GAD2: variants seen among roughly 807,000 people sequenced by gnomAD.
GAD2 encodes the protein 65 kDa glutamic acid decarboxylase.
In GAD2, 22 loss-of-function variants were observed where a neutral mutation model predicts 80.1. That is an observed-to-expected ratio of 0.27 (90% CI 0.20 to 0.39). The LOEUF (loss-of-function observed/expected upper bound fraction) is 0.39, where lower values mean the gene tolerates loss of function less well. Ranked by LOEUF, GAD2 falls within the 10% of genes least tolerant of loss-of-function variation. GAD2 has a pLI of 1.00. For synonymous variants in GAD2, 274 were observed against 256.9 expected (o/e 1.07, Z -0.64); for missense variants, 624 against 738.4 (o/e 0.85, Z 1.80).
At chr10:26,269,565 C>T (rs1211614577) in intron 9 of GAD2, among the ~76,000 whole-genome samples, 1 of 152,208 alleles carries the variant, frequency 6.6e-6, no homozygotes, top group Non-Finnish European at 1.5e-5. Context: ...CGTGTAGGTG[C>T]ATGCTGTTAG....
chr10:26,246,342 G>C (rs982733497), intron 8 of GAD2, among the ~76,000 whole-genome samples: 3 of 152,156 alleles, frequency 2.0e-5, no homozygotes, highest in Non-Finnish European at 4.4e-5. Flanking sequence ...ATCACTTTGG[G>C]CACCATAGAT....
chr10:26,216,908 G>A lies in GAD2; in HGVS notation c.76+23G>A. The stretch of plus-strand genomic sequence containing the variant: ...CAGGTAGGAAGGAGAACGGGGGCCT[G>A]CGGCGGGCGAGTTTTGCGGTGGTCT... On this transcript the variant is annotated intron_variant, in intron 1 of 15. Transcript: ENST00000376261. The surrounding 1 kb of genome is among the most constrained non-coding windows in gnomAD (Gnocchi z 4.7). 1.3e-6 allele frequency: 2 copies of A among 1,597,658 alleles called. No individual in the cohort carries two copies. Among genetic ancestry groups the A allele is most frequent in the Non-Finnish European group, 1.7e-6 (2 of 1,169,808 alleles).
intron 8 of GAD2, 35 bp from the exon 9 acceptor site, chr10:26,269,084 A>G: frequency 1.3e-6 from 2 of 1,541,732 alleles, no homozygotes; most frequent in East Asian, 2.3e-5. Flanking sequence ...GAAGCAAATT[A>G]TTCAAAGCAA....
rs756985033 is a variant in GAD2, at chr10:26,217,879, C to G, written c.174C>G (p.Ser58Arg). The G allele has an allele frequency of 6.2e-7, 1 of 1,604,060 alleles. No homozygotes were observed. The highest frequency in any genetic ancestry group is 8.5e-7 in the Non-Finnish European group (1 of 1,175,464). The change falls in exon 3 of 16, where the codon AGC becomes AGG. Residue 58 changes from serine (S) to arginine (R), a missense_variant. By Grantham distance (110) the Ser-to-Arg change is moderately radical. Transcript: ENST00000376261. This position sits in a 1 kb window ranked among gnomAD's most constrained non-coding sequence, Gnocchi z 4.9. ...GAGACGCCGAGAAGCCGGCGGAGAG[C>G]GGCGGGAGCCAACCCCCGCGGGCCG... ...LYGDAEKPAESGGSQPPRAAA... is the reference protein window; with the variant it reads ...LYGDAEKPAERGGSQPPRAAA...
chr10:26,262,850 C>CCT (rs1351256596), intron 8 of GAD2, among the ~76,000 whole-genome samples: 2 of 145,974 alleles, frequency 1.4e-5, no homozygotes, highest in South Asian at 4.4e-4. Context: ...TATCATAATC[C>CCT]TTTTTTTTTT....
chr10:26,275,149 G>A (rs1016498919), intron 11 of GAD2, among the ~76,000 whole-genome samples: 18 of 152,248 alleles, frequency 1.2e-4, no homozygotes, highest in African/African-American at 3.9e-4. Context: ...CAATAAAAGA[G>A]AGAGAGAGAA....
At position 26,300,914 on chromosome 10, in the gene GAD2, A is replaced by G; in HGVS notation, c.1711A>G (p.Ile571Val). ...AAACCCAGCGGCAACTCACCAAGAC[A>G]TTGACTTCCTGATTGAAGAAATAGA... ...ISNPAATHQD[I>V]DFLIEEIERL... The change falls in exon 16 of 16, where the codon ATT (isoleucine) becomes GTT (valine). Residue 571 changes from isoleucine to valine, a missense_variant. Physicochemically the swap from Ile to Val is conservative, Grantham distance 29 (BLOSUM62 3). Transcript: ENST00000376261. 1 of 1,614,048 alleles carries G rather than the reference A, an allele frequency of 6.2e-7. No homozygotes were observed. The highest frequency in any genetic ancestry group is 8.5e-7 in the Non-Finnish European group (1 of 1,179,904).
chr10:26,284,564 C>CTTT (rs35046451), intron 12 of GAD2, among the ~76,000 whole-genome samples: 1,778 of 92,918 alleles, frequency 0.019, 85 homozygotes, highest in African/African-American at 0.048. Context: ...GGCTGTTCAG[C>CTTT]TTTTTTTTTT....
At position 26,217,557 on chromosome 10, in the gene GAD2, C is replaced by T; in HGVS notation, c.77-53C>T. 1.9e-6 allele frequency: 3 copies of T among 1,544,660 alleles called. No homozygotes were observed. The highest frequency in any genetic ancestry group is 2.7e-6 in the Non-Finnish European group (3 of 1,131,016). ...CACATAGAACGAAATTTCACACGTC[C>T]GTCTGTTGTTCTCTTTCTGCCTCGC... On this transcript the variant is annotated intron_variant, in intron 1 of 15. Coordinates refer to ENST00000376261, the MANE Select transcript of GAD2 (RefSeq NM_001134366.2). The surrounding 1 kb of genome is among the most constrained non-coding windows in gnomAD (Gnocchi z 4.9).
chr10:26,225,520 TGA>T (rs753177378), intron 6 of GAD2, among the ~76,000 whole-genome samples: 1 of 152,096 alleles, frequency 6.6e-6, no homozygotes, highest in African/African-American at 2.4e-5. Context: ...AGGACCCACC[TGA>T]GAGAGAGGCC....
intron 8 of GAD2, among the ~76,000 whole-genome samples, chr10:26,261,327 T>A (rs960895353): frequency 6.6e-6 from 1 of 152,198 alleles, no homozygotes; most frequent in Non-Finnish European, 1.5e-5. Flanking sequence ...TTAACTGAAA[T>A]GTATTTTGGT....
chr10:26,220,106 T>C (rs565889585), intron 4 of GAD2, among the ~76,000 whole-genome samples: 2 of 152,354 alleles, frequency 1.3e-5, no homozygotes, highest in African/African-American at 4.8e-5. Context: ...GCCATTCATC[T>C]GCCCAGGTCT....
intron 8 of GAD2, among the ~76,000 whole-genome samples, chr10:26,263,918 A>G (rs546841750): frequency 4.6e-5 from 7 of 152,316 alleles, no homozygotes; most frequent in Admixed American, 3.9e-4. Context: ...CTAGAAGTCA[A>G]CCTGAAAAGT....
intron 15 of GAD2, among the ~76,000 whole-genome samples, chr10:26,293,990 G>GT (rs1375026421): frequency 6.6e-6 from 1 of 152,224 alleles, no homozygotes; most frequent in Non-Finnish European, 1.5e-5. Flanking sequence ...TGGTACTGTG[G>GT]TAAGACACCA....
At chr10:26,288,563 C>T (rs182129952) in intron 13 of GAD2, among the ~76,000 whole-genome samples, 121 of 152,252 alleles carry the variant, frequency 7.9e-4, no homozygotes, top group East Asian at 5.8e-4. Flanking sequence ...GATGTACCTC[C>T]AAGCAGCTTT....
chr10:26,257,948 A>G (rs1213125397), intron 8 of GAD2, among the ~76,000 whole-genome samples: 2 of 152,178 alleles, frequency 1.3e-5, no homozygotes, highest in African/African-American at 4.8e-5. Flanking sequence ...CACCGAATCG[A>G]TTATTCCTGA....
At chr10:26,283,132 T>C (rs1235764380) in intron 12 of GAD2, among the ~76,000 whole-genome samples, 1 of 152,212 alleles carries the variant, frequency 6.6e-6, no homozygotes, top group Non-Finnish European at 1.5e-5. Context: ...ATGACTGCAT[T>C]GGAAGGATCT....
intron 11 of GAD2, 78 bp downstream of exon 11, chr10:26,273,778 G>A (rs748236856): frequency 4.8e-6 from 6 of 1,238,682 alleles, no homozygotes; most frequent in South Asian, 1.3e-5. Flanking sequence ...CAATTTCCAG[G>A]AACTTTTGGA....
chr10:26,263,910 A>G (rs931801015), intron 8 of GAD2, among the ~76,000 whole-genome samples: 1 of 152,206 alleles, frequency 6.6e-6, no homozygotes, highest in Non-Finnish European at 1.5e-5. Context: ...TTACAATCCT[A>G]GAAGTCAACC....
Sources: allele counts gnomAD v4.1 joint callset (sites outside exome capture counted in the v4.1 genomes callset), GRCh38; gene constraint gnomAD v4.1.1; non-coding constraint Gnocchi (gnomAD v3.1); transcripts MANE v1.5; gene names NCBI Gene and HGNC (gene_info 2026-07-23, HGNC 2026-07-21).